The following FAM98A variants were observed in gnomAD, a reference collection of about 807,000 sequenced individuals.
FAM98A encodes the protein protein FAM98A.
Under a neutral mutation model 62.9 loss-of-function variants are expected in FAM98A, and 25 were observed. The ratio of observed to expected loss-of-function variants is 0.40; its 90% confidence interval spans 0.29 to 0.56. The LOEUF (loss-of-function observed/expected upper bound fraction) is 0.56, where lower values mean the gene tolerates loss of function less well. Among genes scored for constraint, FAM98A ranks in the 20% least tolerant of loss-of-function variants. The probability of loss-of-function intolerance (pLI) is 0.51; values close to 1 mark genes in which losing one functional copy is unlikely to be tolerated. For synonymous variants in FAM98A, 252 were observed against 228.6 expected (o/e 1.10, Z -0.92); for missense variants, 653 against 640.7 (o/e 1.02, Z -0.21).
At chr2:33,590,332 G>A (rs1677644085) in intron 3 of FAM98A, among the ~76,000 whole-genome samples, 1 of 152,108 alleles carries the variant, frequency 6.6e-6, no homozygotes, top group East Asian at 1.9e-4. Flanking sequence ...CAATTCTAAT[G>A]AGGCTGGTTT....
In FAM98A at chr2:33,592,149, AC is replaced by A; in HGVS notation, c.267del (p.Tyr90IlefsTer4). ...ACATCCCCAGATGTCAGTGAAAGAT[AC>A]GGGCAGTTCATCTCCCCTAGTAGCC... ...VSGLLGEMNC[P>X]YLSLTSGDVT... is the part of the protein sequence containing the mutation. On this transcript the variant is annotated frameshift_variant, in exon 3 of 8. Coordinates refer to ENST00000238823, the MANE Select transcript of FAM98A (RefSeq NM_015475.5). LOFTEE classifies it high-confidence loss of function. 3 of 1,613,536 alleles carry A rather than the reference AC, an allele frequency of 1.9e-6. No homozygotes were observed. Among genetic ancestry groups the A allele is most frequent in the Non-Finnish European group, 2.5e-6 (3 of 1,179,522 alleles).
chr2:33,596,308 G>C (rs753594060), intron 1 of FAM98A, among the ~76,000 whole-genome samples: 4 of 152,134 alleles, frequency 2.6e-5, no homozygotes, highest in Non-Finnish European at 5.9e-5. Flanking sequence ...AGACATTCTA[G>C]TACCAAAGAA....
At chr2:33,592,239 T>C in intron 2 of FAM98A, 25 bp from the exon 3 acceptor site, 2 of 1,555,248 alleles carry the variant, frequency 1.3e-6, no homozygotes, top group South Asian at 1.2e-5. Context: ...AATAATCTTA[T>C]TTAATGATAG....
intron 3 of FAM98A, among the ~76,000 whole-genome samples, chr2:33,591,560 C>G (rs994413907): frequency 1.3e-5 from 2 of 152,080 alleles, no homozygotes; most frequent in Admixed American, 6.6e-5. Flanking sequence ...AAGTATTATT[C>G]CAGAATATTT....
At chr2:33,588,550 A>G (rs1288999593) in intron 3 of FAM98A, 31 bp from the exon 4 acceptor site, 4 of 1,578,232 alleles carry the variant, frequency 2.5e-6, no homozygotes, top group Non-Finnish European at 3.5e-6. Flanking sequence ...TTTCAAAATG[A>G]GATACAGCTA....
intron 1 of FAM98A, 46 bp downstream of exon 1, chr2:33,599,123 G>A (rs1374886212): frequency 1.3e-6 from 2 of 1,537,784 alleles, no homozygotes; most frequent in East Asian, 2.2e-5. Context: ...GTTCCCAGGG[G>A]GCCGGCAGCG....
At chr2:33,594,932 C>G (rs928322900) in intron 2 of FAM98A, among the ~76,000 whole-genome samples, 1 of 152,134 alleles carries the variant, frequency 6.6e-6, no homozygotes, top group Admixed American at 6.5e-5. Flanking sequence ...ACTAGTGCAA[C>G]AGTGGAAACA....
At position 33,599,225 on chromosome 2, in the gene FAM98A, A is replaced by G. The variant is rs199658170; in HGVS notation, c.-4T>C. On this transcript the variant is annotated 5_prime_UTR_variant, in exon 1 of 8. Coordinates refer to ENST00000238823, the MANE Select transcript of FAM98A (RefSeq NM_015475.5). ...TCTCCATGAGGTCACACTCCATGCT[A>G]CTGTGGTATTCAAATTTCCGAGTCG... The G allele has an allele frequency of 5.0e-6, 8 of 1,613,326 alleles. No individual in the cohort carries two copies. The highest frequency in any genetic ancestry group is 5.9e-6 in the Non-Finnish European group (7 of 1,179,254).
rs750823383 is a variant in FAM98A at position 33,585,383 on chromosome 2, G to A, written c.950C>T (p.Pro317Leu). Residue 317 changes from proline (P) to leucine (L), a missense_variant, in exon 8 of 8, where the codon CCA (proline) becomes CTA (leucine). By Grantham distance (98) the Pro-to-Leu change is moderately conservative. Transcript: ENST00000238823. ...GRPNEIEPPP[P>L]EMPPWQKRQD... ...CCTCTTCTGCCACGGTGGCATCTCT[G>A]GGGGTGGAGGTTCGATTTCATTGGG... 5 of 1,614,142 alleles carry A rather than the reference G, an allele frequency of 3.1e-6. No homozygotes were observed. Among genetic ancestry groups the A allele is most frequent in the African/African-American group, 1.3e-5 (1 of 75,020 alleles).
At chr2:33,597,858 C>G (rs934666003) in intron 1 of FAM98A, among the ~76,000 whole-genome samples, 1 of 152,176 alleles carries the variant, frequency 6.6e-6, no homozygotes, top group Non-Finnish European at 1.5e-5. Context: ...ACCTTGTACT[C>G]TAAGGGCCTA....
chr2:33,591,471 G>A (rs1677669972), intron 3 of FAM98A, among the ~76,000 whole-genome samples: 1 of 152,040 alleles, frequency 6.6e-6, no homozygotes, highest in Admixed American at 6.6e-5. Context: ...AGACAAAACA[G>A]TAGTAAGTAT....
At chr2:33,597,726 AT>A (rs1253838069) in intron 1 of FAM98A, among the ~76,000 whole-genome samples, 2 of 152,162 alleles carry the variant, frequency 1.3e-5, no homozygotes, top group Non-Finnish European at 2.9e-5. Context: ...CTACAGTACT[AT>A]AGTGTCATTT....
rs1677492512 is a variant in FAM98A, at chr2:33,584,677, C to T, written c.*99G>A. 4 of 1,047,752 alleles carry T rather than the reference C, an allele frequency of 3.8e-6. No individual in the cohort carries two copies. The Admixed American group carries it at 9.1e-5, about 24-fold the overall frequency. The allele number at this position is 1,047,752 out of a possible 1,614,324, so 64.9% of individuals were successfully genotyped here. A position where few individuals can be genotyped will look rare whatever the true frequency, so the allele number is the denominator to read the frequency against. ...ATGCCAAGCAGGAATCTGCCTGCCA[C>T]CTGTGGTCTCACATTAATTCAAAAT... On this transcript the variant is annotated 3_prime_UTR_variant, in exon 8 of 8. Transcript: ENST00000238823.
At chr2:33,592,238 A>G (rs1677687789) in intron 2 of FAM98A, 24 bp from the exon 3 acceptor site, 1 of 1,551,844 alleles carries the variant, frequency 6.4e-7, no homozygotes, top group South Asian at 1.2e-5. Flanking sequence ...AAATAATCTT[A>G]TTTAATGATA....
At chr2:33,587,406 A>G in intron 4 of FAM98A, 86 bp from the exon 5 acceptor site, 4 of 1,051,942 alleles carry the variant, frequency 3.8e-6, no homozygotes, top group Non-Finnish European at 5.9e-6. Context: ...CTTGCCATCA[A>G]AAGAAGATTC....
intron 4 of FAM98A, among the ~76,000 whole-genome samples, chr2:33,587,890 C>T (rs1193519565): frequency 6.7e-6 from 1 of 150,064 alleles, no homozygotes; most frequent in East Asian, 1.9e-4. Flanking sequence ...TCTATTTTGT[C>T]AATTGAAGCA....
Position 33,592,110 on chromosome 2 carries a change from G to A in FAM98A, c.307C>T (p.Leu103Phe). The change falls in exon 3 of 8, where the codon CTC (leucine) becomes TTC (phenylalanine). Residue 103 changes from leucine (L) to phenylalanine (F), a missense_variant. Coordinates refer to ENST00000238823, the MANE Select transcript of FAM98A (RefSeq NM_015475.5). ...AAGAGGAGGCAGTTCTTCTGAATGAGAAGGCGCTTGGTCACATCCCCAGAT... is the reference window on the plus strand; with the variant it reads ...AAGAGGAGGCAGTTCTTCTGAATGAAAAGGCGCTTGGTCACATCCCCAGAT... Reference protein sequence around the residue: ...LTSGDVTKRLLIQKNCLLLLT... With the variant: ...LTSGDVTKRLFIQKNCLLLLT... The A allele has an allele frequency of 6.2e-7, 1 of 1,613,554 alleles. No homozygotes were observed. Among genetic ancestry groups the A allele is most frequent in the Non-Finnish European group, 8.5e-7 (1 of 1,179,612 alleles).
Position 33,599,215 on chromosome 2 carries a change from A to G in FAM98A, c.7T>C (p.Cys3Arg). 6.2e-7 allele frequency: 1 copy of G among 1,613,558 alleles called. No individual in the cohort carries two copies. The highest frequency in any genetic ancestry group is 8.5e-7 in the Non-Finnish European group (1 of 1,179,548). ...AAGATGTCAGTCTCCATGAGGTCAC[A>G]CTCCATGCTACTGTGGTATTCAAAT... ME[C>R]DLMETDILES... is the part of the protein sequence containing the mutation. Residue 3 changes from cysteine to arginine, a missense_variant, in exon 1 of 8, where the codon TGT (cysteine) becomes CGT (arginine). Physicochemically the swap from Cys to Arg is radical, Grantham distance 180 (BLOSUM62 -3). Transcript: ENST00000238823.
chr2:33,598,987 A>G (rs765379942), intron 1 of FAM98A, among the ~76,000 whole-genome samples, 182 bp downstream of exon 1: 5 of 151,836 alleles, frequency 3.3e-5, no homozygotes, highest in African/African-American at 1.2e-4. Context: ...GGATTGGAGG[A>G]CCCCGAGCTA....
Sources: gnomAD v4.1 joint callset for allele counts (sites outside exome capture counted in the v4.1 genomes callset) on GRCh38, gnomAD v4.1.1 for gene constraint, MANE v1.5 for transcripts, NCBI Gene and HGNC (gene_info 2026-07-23, HGNC 2026-07-21) for gene names.